Variants in TGFBR1 observed in about 807,000 individuals in gnomAD.
The protein encoded by TGFBR1 is TGF-beta receptor type-1.
Under a neutral mutation model 55.1 loss-of-function variants are expected in TGFBR1, and 20 were observed. That is an observed-to-expected ratio of 0.36 (90% CI 0.26 to 0.53). TGFBR1 has a LOEUF of 0.53. Ranked by LOEUF, TGFBR1 falls within the 20% of genes least tolerant of loss-of-function variation. The pLI is 0.91. For missense variants in TGFBR1, 385 were observed against 617.6 expected (o/e 0.62, Z 3.99); for synonymous variants, 220 against 214.8 (o/e 1.02, Z -0.21).
rs574226370 is a variant in TGFBR1 at position 99,140,254 on chromosome 9, G to T, written c.805+2165G>T. Among the ~76,000 whole-genome samples, 30 of 152,224 alleles carry T rather than the reference G, an allele frequency of 2.0e-4. No homozygotes were observed. The Middle Eastern group carries it at 0.01, about 52-fold the overall frequency. On this transcript the variant is annotated intron_variant, in intron 4 of 8. Coordinates refer to ENST00000374994, the MANE Select transcript of TGFBR1 (RefSeq NM_004612.4). ...TCACGAGGTCAAGAGTTCAAGACCA[G>T]CCTGGCTGGCCAAGATGATGAAACC...
intron 1 of TGFBR1, chr9:99,128,152 C>A: frequency 2.7e-6 from 1 of 377,196 alleles, no homozygotes; most frequent in Non-Finnish European, 5.2e-6. Context: ...CAAGTAGATA[C>A]AAGTGGGCAT....
upstream of TGFBR1, chr9:99,105,068 G>A: frequency 1.6e-6 from 1 of 618,906 alleles, no homozygotes; most frequent in Non-Finnish European, 2.1e-6. Flanking sequence ...GCCAATGGAC[G>A]CGCGTCCTCC....
chr9:99,138,893 G>T (rs1050927418), intron 4 of TGFBR1, among the ~76,000 whole-genome samples: 1 of 152,018 alleles, frequency 6.6e-6, no homozygotes, highest in Non-Finnish European at 1.5e-5. Context: ...TGCCTCCTGG[G>T]TTCAAGTGGT....
chr9:99,147,826 T>G, intron 8 of TGFBR1, 42 bp downstream of exon 8: 2 of 1,611,586 alleles, frequency 1.2e-6, no homozygotes, highest in South Asian at 1.1e-5. Context: ...TCTAAACTGC[T>G]TCTGCTTAGT....
intron 4 of TGFBR1, among the ~76,000 whole-genome samples, chr9:99,139,382 A>G (rs577502541): frequency 1.4e-4 from 21 of 152,158 alleles, no homozygotes; most frequent in Admixed American, 7.9e-4. Context: ...TGGGTTTTCA[A>G]ATTTATTTAC....
rs767005593 is a variant in TGFBR1, at chr9:99,142,675, T to C, written c.945T>C (p.His315=). The change falls in exon 5 of 9, where the codon CAT becomes CAC. Residue 315 remains histidine, a synonymous_variant. Coordinates refer to ENST00000374994, the MANE Select transcript of TGFBR1 (RefSeq NM_004612.4). ...LALSTASGLA[H]LHMEIVGTQG... ...TGTCCACGGCGAGCGGTCTTGCCCATCTTCACATGGAGATTGTTGGTACCC... is the reference window on the plus strand; with the variant it reads ...TGTCCACGGCGAGCGGTCTTGCCCACCTTCACATGGAGATTGTTGGTACCC... 3 of 1,614,100 alleles carry C rather than the reference T, an allele frequency of 1.9e-6. No individual in the cohort carries two copies. Among genetic ancestry groups the C allele is most frequent in the Admixed American group, 1.7e-5 (1 of 60,018 alleles).
chr9:99,110,420 T>G (rs140587716), intron 1 of TGFBR1, among the ~76,000 whole-genome samples: 200 of 152,316 alleles, frequency 1.3e-3, no homozygotes, highest in African/African-American at 4.6e-3. Flanking sequence ...GAATGGTAGT[T>G]GTATAGAGTA....
At chr9:99,126,427 G>A (rs552766041) in intron 1 of TGFBR1, among the ~76,000 whole-genome samples, 83 of 152,310 alleles carry the variant, frequency 5.4e-4, no homozygotes, top group African/African-American at 1.9e-3. Flanking sequence ...TTCAAGTGCT[G>A]TGACCATTAG....
intron 1 of TGFBR1, among the ~76,000 whole-genome samples, chr9:99,111,096 A>G (rs1456198940): frequency 6.6e-6 from 1 of 152,110 alleles, no homozygotes; most frequent in Non-Finnish European, 1.5e-5. Context: ...CTTTAACATT[A>G]TATTTTTAGG....
rs200742860 is a variant in TGFBR1, at chr9:99,152,673, G to A, written c.*3368G>A. 3 of 226,342 alleles carry A rather than the reference G, an allele frequency of 1.3e-5. No homozygotes were observed. Among genetic ancestry groups the A allele is most frequent in the Non-Finnish European group, 2.6e-5 (3 of 113,862 alleles). The allele number at this position is 226,342 out of a possible 1,614,324, so 14.0% of individuals were successfully genotyped here. A position where few individuals can be genotyped will look rare whatever the true frequency, so the allele number is the denominator to read the frequency against. On this transcript the variant is annotated 3_prime_UTR_variant, in exon 9 of 9. Coordinates refer to ENST00000374994, the MANE Select transcript of TGFBR1 (RefSeq NM_004612.4). The stretch of plus-strand genomic sequence containing the variant: ...TTTTTATTCTTGCACTGGAAGAATC[G>A]TAAGTCAACTGTTTCTTGACCATGG...
chr9:99,117,006 C>T (rs1329334690), intron 1 of TGFBR1, among the ~76,000 whole-genome samples: 2 of 152,122 alleles, frequency 1.3e-5, no homozygotes, highest in African/African-American at 4.8e-5. Flanking sequence ...TCTGTCCTTG[C>T]TTGGTTCAAT....
intron 2 of TGFBR1, among the ~76,000 whole-genome samples, chr9:99,129,758 G>T (rs1005577529): frequency 2.6e-5 from 4 of 151,990 alleles, no homozygotes; most frequent in Middle Eastern, 3.2e-3. Flanking sequence ...AAATTAGCTG[G>T]GCATGGTGGC....
rs766347880 is a variant in TGFBR1 at position 99,132,510 on chromosome 9, A to G, written c.345A>G (p.Val115=). The change falls in exon 3 of 9, where the codon GTA becomes GTG. Residue 115 remains valine, a splice_region_variant and synonymous_variant. Coordinates refer to ENST00000374994, the MANE Select transcript of TGFBR1 (RefSeq NM_004612.4). ...HCNKIELPTT[V]KSSPGLGPVE... ...ATTTCACTCGAGGCCCTTTTTCAGT[A>G]AAGTCATCACCTGGCCTTGGTCCTG... 3.7e-6 allele frequency: 6 copies of G among 1,614,032 alleles called. No homozygotes were observed. Among genetic ancestry groups the G allele is most frequent in the Non-Finnish European group, 5.1e-6 (6 of 1,180,022 alleles).
At chr9:99,106,674 A>G (rs962371762) in intron 1 of TGFBR1, among the ~76,000 whole-genome samples, 24 of 152,246 alleles carry the variant, frequency 1.6e-4, no homozygotes, top group African/African-American at 5.8e-4. Context: ...TTTCACTCAG[A>G]TCTCAGTTTC....
intron 3 of TGFBR1, among the ~76,000 whole-genome samples, chr9:99,136,963 G>T (rs1007647797): frequency 1.3e-5 from 2 of 152,060 alleles, no homozygotes; most frequent in Non-Finnish European, 2.9e-5. Flanking sequence ...CTTACCGGAT[G>T]GTGGATAGGA....
chr9:99,141,863 C>T (rs1336012832), intron 4 of TGFBR1, among the ~76,000 whole-genome samples: 1 of 152,186 alleles, frequency 6.6e-6, no homozygotes, highest in Non-Finnish European at 1.5e-5. Flanking sequence ...CCACGTTCCT[C>T]GTTGTTTGAG....
intron 1 of TGFBR1, among the ~76,000 whole-genome samples, chr9:99,110,151 G>A (rs931867312): frequency 6.6e-6 from 1 of 152,112 alleles, no homozygotes; most frequent in Admixed American, 6.6e-5. Flanking sequence ...AGTGGACTAA[G>A]TTCAGTTGGT....
intron 1 of TGFBR1, chr9:99,127,910 G>A: frequency 2.2e-6 from 1 of 456,030 alleles, no homozygotes; most frequent in Non-Finnish European, 4.4e-6. Flanking sequence ...CATGGTGTTA[G>A]ATGGCAGATT....
chr9:99,137,040 A>G (rs1827457281), intron 3 of TGFBR1, among the ~76,000 whole-genome samples: 2 of 152,194 alleles, frequency 1.3e-5, no homozygotes, highest in South Asian at 4.1e-4. Flanking sequence ...ACCCTTTTAA[A>G]TGAAGTAAGT....
Sources: allele counts gnomAD v4.1 joint callset (sites outside exome capture counted in the v4.1 genomes callset), GRCh38; gene constraint gnomAD v4.1.1; transcripts MANE v1.5; gene names NCBI Gene and HGNC (gene_info 2026-07-23, HGNC 2026-07-21).